PAK1: variants seen among roughly 807,000 people sequenced by gnomAD.
The protein encoded by PAK1 is serine/threonine-protein kinase PAK 1.
In PAK1, 29 loss-of-function variants were observed where a neutral mutation model predicts 67.4. That is an observed-to-expected ratio of 0.43 (90% CI 0.32 to 0.59). The LOEUF is 0.59. Among genes scored for constraint, PAK1 ranks in the 20% least tolerant of loss-of-function variants. PAK1 has a pLI of 0.07. For synonymous variants in PAK1, 223 were observed against 237.4 expected, an observed-to-expected ratio of 0.94 and a Z score of 0.56; for missense variants, 337 against 670.7, an observed-to-expected ratio of 0.50 and a Z score of 5.50.
intron 8 of PAK1, among the ~76,000 whole-genome samples, chr11:77,350,505 A>G (rs1006201207): frequency 6.6e-6 from 1 of 152,244 alleles, no homozygotes; most frequent in African/African-American, 2.4e-5. Flanking sequence ...GCTTAAGACC[A>G]TAAACCCTGT....
chr11:77,358,660 A>T (rs1355601952), intron 6 of PAK1, among the ~76,000 whole-genome samples: 1 of 152,158 alleles, frequency 6.6e-6, no homozygotes, highest in Non-Finnish European at 1.5e-5. Flanking sequence ...ACTGGTATAA[A>T]CATCAATTAC....
chr11:77,429,055 CTAAAAAAAAAA>C (rs1565696372), intron 1 of PAK1, among the ~76,000 whole-genome samples: 1 of 20,034 alleles, frequency 5.0e-5, no homozygotes, highest in Admixed American at 9.6e-4. Context: ...CCATTTAATA[CTAAAAAAAAAA>C]AAAAAAAAAA....
intron 5 of PAK1, among the ~76,000 whole-genome samples, chr11:77,361,812 T>A (rs1383824853): frequency 9.2e-5 from 14 of 152,174 alleles, no homozygotes; most frequent in Admixed American, 9.2e-4. Context: ...TCCTGAAATG[T>A]TGTATGAATA....
intron 5 of PAK1, among the ~76,000 whole-genome samples, chr11:77,373,437 G>T (rs1385196888): frequency 6.6e-6 from 1 of 151,876 alleles, no homozygotes; most frequent in Non-Finnish European, 1.5e-5. Context: ...GCTTATACCT[G>T]TAGTCCCAGC....
At chr11:77,360,811 C>G (rs1416745604) in intron 5 of PAK1, among the ~76,000 whole-genome samples, 1 of 152,146 alleles carries the variant, frequency 6.6e-6, no homozygotes, top group East Asian at 1.9e-4. Context: ...ATTTATAAAA[C>G]AGGGGTAATG....
chr11:77,485,174 G>C, the PAK1 span, among the ~76,000 whole-genome samples: 3 of 152,160 alleles, frequency 2.0e-5, no homozygotes, highest in East Asian at 3.9e-4. Context: ...AAAGAGTAGC[G>C]GGGTAGAGGT....
At chr11:77,352,684 T>C (rs1565604856) in intron 8 of PAK1, among the ~76,000 whole-genome samples, 1 of 152,164 alleles carries the variant, frequency 6.6e-6, no homozygotes, top group East Asian at 1.9e-4. Flanking sequence ...AATATACCTT[T>C]TTTTTATCTT....
chr11:77,436,921 A>G (rs1956152668), intron 1 of PAK1, among the ~76,000 whole-genome samples: 1 of 152,206 alleles, frequency 6.6e-6, no homozygotes, highest in South Asian at 2.1e-4. Context: ...GACAGATGCC[A>G]GTCAGTTGCA....
intron 5 of PAK1, among the ~76,000 whole-genome samples, chr11:77,363,577 C>T (rs1947092282): frequency 6.6e-6 from 1 of 152,186 alleles, no homozygotes; most frequent in African/African-American, 2.4e-5. Context: ...TTACCTTTAC[C>T]AATCCTTTAC....
intron 1 of PAK1, among the ~76,000 whole-genome samples, chr11:77,397,670 T>C (rs1952015500): frequency 6.6e-6 from 1 of 152,198 alleles, no homozygotes; most frequent in Non-Finnish European, 1.5e-5. Context: ...AGAGAAGGAA[T>C]GTGCTCACCA....
intron 1 of PAK1, among the ~76,000 whole-genome samples, chr11:77,402,722 A>ACAT (rs147487394): frequency 0.032 from 4,873 of 152,234 alleles, 127 homozygotes; most frequent in African/African-American, 0.074. Flanking sequence ...CTGCCTGAAC[A>ACAT]TGTCCTGATT....
chr11:77,400,784 T>C (rs1369810247), intron 1 of PAK1, among the ~76,000 whole-genome samples: 4 of 152,254 alleles, frequency 2.6e-5, no homozygotes, highest in African/African-American at 7.2e-5. Flanking sequence ...CTTGGAAATC[T>C]ATTTGGTATC....
chr11:77,491,040 C>T, the PAK1 span, among the ~76,000 whole-genome samples: 1 of 151,730 alleles, frequency 6.6e-6, no homozygotes, highest in African/African-American at 2.4e-5. Flanking sequence ...CCTTTGTTCA[C>T]TTGTTTATCT....
intron 2 of PAK1, among the ~76,000 whole-genome samples, chr11:77,388,760 C>A (rs542298796): frequency 4.4e-4 from 67 of 152,308 alleles, no homozygotes; most frequent in African/African-American, 1.6e-3. Flanking sequence ...CCAAATCAGA[C>A]AGCCAATTTA....
chr11:77,392,662 C>T (rs879684795), intron 1 of PAK1, 121 bp from the exon 2 acceptor site: 5 of 627,116 alleles, frequency 8.0e-6, no homozygotes, highest in Non-Finnish European at 1.3e-5. Context: ...TAGCTCAAGT[C>T]CTTCCACTGC....
At chr11:77,361,641 T>C (rs1320316062) in intron 5 of PAK1, among the ~76,000 whole-genome samples, 1 of 152,090 alleles carries the variant, frequency 6.6e-6, no homozygotes, top group African/African-American at 2.4e-5. Context: ...TCAATGGCAA[T>C]AAAATACAAA....
chr11:77,323,150 G>A lies in PAK1; in HGVS notation c.*124C>T, dbSNP rs1591606299. The A allele has an allele frequency of 6.5e-7, 1 of 1,545,882 alleles. No homozygotes were observed. ...GGTTTCCAAGGATCAAAGTCTTGAG[G>A]AGTGCTAGATCAGGAAATGGGAGAA... On this transcript the variant is annotated 3_prime_UTR_variant, in exon 15 of 15. Coordinates refer to ENST00000356341, the MANE Select transcript of PAK1 (RefSeq NM_002576.5).
intron 1 of PAK1, among the ~76,000 whole-genome samples, chr11:77,440,769 T>C (rs1047109456): frequency 1.2e-4 from 19 of 152,274 alleles, no homozygotes; most frequent in African/African-American, 2.6e-4. Context: ...ACAATATGCA[T>C]TGAAGCCACC....
intron 11 of PAK1, 110 bp downstream of exon 11, chr11:77,340,536 T>C: frequency 1.4e-6 from 1 of 719,166 alleles, no homozygotes; most frequent in South Asian, 1.5e-5. Flanking sequence ...CAGCACTAAT[T>C]TCTACCAATT....
Sources: allele counts gnomAD v4.1 joint callset (sites outside exome capture counted in the v4.1 genomes callset), GRCh38; gene constraint gnomAD v4.1.1; transcripts MANE v1.5; gene names NCBI Gene and HGNC (gene_info 2026-07-23, HGNC 2026-07-21).